The following TTLL3 variants were observed in gnomAD, a reference collection of about 807,000 sequenced individuals.
TTLL3 encodes tubulin monoglycylase TTLL3.
TTLL3 carries 63 observed loss-of-function variants against 75.2 expected under a neutral mutation model. The observed-to-expected ratio is 0.84, with a 90% CI of 0.68 to 1.03. TTLL3 has a LOEUF of 1.03. Among genes scored for constraint, TTLL3 ranks in the 50% least tolerant of loss-of-function variants. The probability of loss-of-function intolerance (pLI) is 0.00; values close to 1 mark genes in which losing one functional copy is unlikely to be tolerated. For missense variants in TTLL3, 997 were observed against 1,069.9 expected, an observed-to-expected ratio of 0.93 and a Z score of 0.95; for synonymous variants, 393 against 418.5, an observed-to-expected ratio of 0.94 and a Z score of 0.74.
At chr3:9,820,779 G>T (rs530766158) in intron 8 of TTLL3, 38 bp downstream of exon 8, 2 of 1,610,266 alleles carry the variant, frequency 1.2e-6, no homozygotes, top group South Asian at 1.1e-5. Context: ...GCTGTGGGCA[G>T]GTGCTTAGGG....
intron 8 of TTLL3, among the ~76,000 whole-genome samples, chr3:9,821,863 C>A (rs368721761): frequency 2.0e-5 from 3 of 151,948 alleles, no homozygotes; most frequent in East Asian, 2.0e-4. Flanking sequence ...ATTAGCTGGG[C>A]ATGGTGGCGC....
Position 9,829,281 on chromosome 3 carries a change from A to C in TTLL3, c.1569A>C (p.Thr523=), listed in dbSNP as rs1465032809. 8.1e-6 allele frequency: 13 copies of C among 1,614,144 alleles called. No homozygotes were observed. Among genetic ancestry groups the C allele is most frequent in the Non-Finnish European group, 1.0e-5 (12 of 1,180,042 alleles). ...CCAGCCCCACGATGGCACCCTCCAC[A>C]GCAGTCACTGCCCGGCTCTGTGCTG... The part of the protein sequence containing the change: ...INASPTMAPS[T]AVTARLCAGV... Residue 523 remains threonine, a synonymous_variant, in exon 11 of 14, where the codon ACA becomes ACC. Coordinates refer to ENST00000685419, the MANE Select transcript of TTLL3 (RefSeq NM_001387446.1).
At chr3:9,828,021 A>G (rs2124942791) in intron 10 of TTLL3, 1 of 151,986 alleles carries the variant, frequency 6.6e-6, no homozygotes, top group East Asian at 1.9e-4. Context: ...GGGCGCCAGT[A>G]GTCCCAGCTA....
At chr3:9,815,050 G>A (rs192090225) in intron 4 of TTLL3, among the ~76,000 whole-genome samples, 5,638 of 151,498 alleles carry the variant, frequency 0.037, 159 homozygotes, top group Non-Finnish European at 0.056. Flanking sequence ...CCAGCCTGGG[G>A]AACATGGTGA....
upstream of TTLL3, chr3:9,809,899 A>G: frequency 1.3e-6 from 1 of 791,858 alleles, no homozygotes; most frequent in Non-Finnish European, 1.7e-6. Context: ...GGGGCTTGGA[A>G]CGGAGGACAA....
chr3:9,820,475 A>G (rs1002620039), intron 7 of TTLL3, 71 bp from the exon 8 acceptor site: 122 of 1,588,758 alleles, frequency 7.7e-5, no homozygotes, highest in Non-Finnish European at 9.9e-5. Flanking sequence ...CCTTAGGACA[A>G]TGGGGGCTGT....
chr3:9,816,061 C>G lies in TTLL3; in HGVS notation c.316-13C>G. On this transcript the variant is annotated splice_polypyrimidine_tract_variant and intron_variant, in intron 4 of 13. Transcript: ENST00000685419. ...ACTGGCCTCTGTGTTTCTGTCTCCT[C>G]CTGTCTCCCCAGTCCCGCATGGTCC... 9.6e-6 allele frequency: 13 copies of G among 1,349,142 alleles called. No homozygotes were observed. Among genetic ancestry groups the G allele is most frequent in the Non-Finnish European group, 1.1e-5 (11 of 1,011,756 alleles). The allele number at this position is 1,349,142 out of a possible 1,614,324, so 83.6% of individuals were successfully genotyped here.
chr3:9,824,122 GT>G (rs1406596797), intron 8 of TTLL3, among the ~76,000 whole-genome samples: 1 of 152,232 alleles, frequency 6.6e-6, no homozygotes, highest in Admixed American at 6.5e-5. Context: ...CTCTTACGGA[GT>G]TTACATTGTA....
chr3:9,830,461 T>C (rs571267784), intron 11 of TTLL3, among the ~76,000 whole-genome samples: 1 of 152,330 alleles, frequency 6.6e-6, no homozygotes, highest in African/African-American at 2.4e-5. Flanking sequence ...CTGATTAGCC[T>C]CCGGTTTCTG....
chr3:9,829,280 C>T lies in TTLL3; in HGVS notation c.1568C>T (p.Thr523Ile). ...INASPTMAPS[T>I]AVTARLCAGV... ...GCCAGCCCCACGATGGCACCCTCCA[C>T]AGCAGTCACTGCCCGGCTCTGTGCT... is the stretch of plus-strand genomic sequence containing the variant. Residue 523 changes from threonine (T) to isoleucine (I), a missense_variant, in exon 11 of 14, where the codon ACA (threonine) becomes ATA (isoleucine). Coordinates refer to ENST00000685419, the MANE Select transcript of TTLL3 (RefSeq NM_001387446.1). 6.2e-6 allele frequency: 10 copies of T among 1,614,196 alleles called. No homozygotes were observed. Among genetic ancestry groups the T allele is most frequent in the Non-Finnish European group, 8.5e-6 (10 of 1,180,054 alleles).
At chr3:9,834,637 T>G in intron 12 of TTLL3, 44 bp from the exon 13 acceptor site, 1 of 1,611,132 alleles carries the variant, frequency 6.2e-7, no homozygotes, top group Non-Finnish European at 8.5e-7. Context: ...CTAGGCCACC[T>G]TGGGCCCCAC....
chr3:9,820,069 CAG>C (rs2080266868), intron 7 of TTLL3: 5 of 993,412 alleles, frequency 5.0e-6, no homozygotes, highest in Non-Finnish European at 4.8e-6. Flanking sequence ...ACAGTGCACA[CAG>C]AAGTTAGTGT....
At chr3:9,815,420 G>A (rs950756552) in intron 4 of TTLL3, among the ~76,000 whole-genome samples, 5 of 152,242 alleles carry the variant, frequency 3.3e-5, no homozygotes, top group African/African-American at 1.2e-4. Flanking sequence ...ATGAATTGAC[G>A]TGGAAAGTGC....
chr3:9,810,551 A>T lies in TTLL3; in HGVS notation c.-41-70A>T, dbSNP rs2079252831. The stretch of plus-strand genomic sequence containing the variant: ...AAGAGGCGTGGCTATGGGCGGCCAG[A>T]AAAGATCCTAGGCCGAGACCCTAGG... On this transcript the variant is annotated intron_variant, in intron 1 of 13. Transcript: ENST00000685419. This position sits in a 1 kb window ranked among gnomAD's most constrained non-coding sequence, Gnocchi z 4.4. 8.0e-6 allele frequency: 12 copies of T among 1,493,892 alleles called. No homozygotes were observed. The South Asian group carries it at 1.4e-4, about 18-fold the overall frequency. 92.5% of individuals were successfully genotyped at this position (1,493,892 alleles called of 1,614,324 possible). A position where few individuals can be genotyped will look rare whatever the true frequency, so the allele number is the denominator to read the frequency against.
chr3:9,814,130 T>C (rs961038658), intron 4 of TTLL3, among the ~76,000 whole-genome samples: 3 of 151,164 alleles, frequency 2.0e-5, no homozygotes, highest in African/African-American at 7.3e-5. Context: ...TGAAAACCCA[T>C]CTCTACTAAA....
At chr3:9,810,039 C>T (rs1330880311), upstream of TTLL3, 2 of 1,329,372 alleles carry the variant, frequency 1.5e-6, no homozygotes, top group South Asian at 1.9e-5. This position sits in a 1 kb window ranked among gnomAD's most constrained non-coding sequence, Gnocchi z 4.4. Context: ...TGCTCCTGAG[C>T]GCGAGGGAGC....
At position 9,818,837 on chromosome 3, in the gene TTLL3, C is replaced by T. The variant is rs537290229; in HGVS notation, c.575C>T (p.Thr192Ile). ...CTGGGAGCAGAGGACTTCTGGCTGACTGCTGCCCGCAACGTTCTCAAGCTG... is the reference window on the plus strand; with the variant it reads ...CTGGGAGCAGAGGACTTCTGGCTGATTGCTGCCCGCAACGTTCTCAAGCTG... ...KKAFIEDFWL[T>I]AARNVLKLVV... The change falls in exon 7 of 14, where the codon ACT becomes ATT. Residue 192 changes from threonine (T) to isoleucine (I), a missense_variant. By Grantham distance (89) the Thr-to-Ile change is moderately conservative. Coordinates refer to ENST00000685419, the MANE Select transcript of TTLL3 (RefSeq NM_001387446.1). 1 of 1,614,128 alleles carries T rather than the reference C, an allele frequency of 6.2e-7. No individual in the cohort carries two copies. The highest frequency in any genetic ancestry group is 8.5e-7 in the Non-Finnish European group (1 of 1,179,998).
chr3:9,822,395 G>A (rs1178226425), intron 8 of TTLL3, among the ~76,000 whole-genome samples: 2 of 151,756 alleles, frequency 1.3e-5, no homozygotes, highest in East Asian at 3.9e-4. Context: ...TGGTGTGTGG[G>A]GGCAAGTTCT....
chr3:9,812,348 C>T (rs2079432445), intron 2 of TTLL3, among the ~76,000 whole-genome samples: 2 of 152,152 alleles, frequency 1.3e-5, no homozygotes, highest in African/African-American at 4.8e-5. Context: ...AACCCTGTCT[C>T]TACTAAAAAT....
Sources: allele counts gnomAD v4.1 joint callset (sites outside exome capture counted in the v4.1 genomes callset), GRCh38; gene constraint gnomAD v4.1.1; non-coding constraint Gnocchi (gnomAD v3.1); transcripts MANE v1.5; gene names NCBI Gene and HGNC (gene_info 2026-07-23, HGNC 2026-07-21).